Variants in DAB1 observed in about 807,000 individuals in gnomAD.
DAB1 encodes the protein DAB adaptor protein 1.
A neutral mutation model predicts 64.6 loss-of-function variants in DAB1; 15 were observed. The ratio of observed to expected loss-of-function variants is 0.23; its 90% confidence interval spans 0.16 to 0.36. The LOEUF is 0.36. Among genes scored for constraint, DAB1 ranks in the 10% least tolerant of loss-of-function variants. DAB1 has a pLI of 1.00. For synonymous variants in DAB1, 235 were observed against 251.9 expected, an observed-to-expected ratio of 0.93 and a Z score of 0.64; for missense variants, 596 against 706.7, an observed-to-expected ratio of 0.84 and a Z score of 1.78.
At chr1:57,617,536 G>C (rs1645804121) in intron 7 of DAB1, among the ~76,000 whole-genome samples, 1 of 152,062 alleles carries the variant, frequency 6.6e-6, no homozygotes, top group South Asian at 2.1e-4. Context: ...TGCCCTACAA[G>C]CTCAGATGCC....
intron 7 of DAB1, among the ~76,000 whole-genome samples, chr1:57,630,694 T>C (rs1321608086): frequency 6.6e-6 from 1 of 152,164 alleles, no homozygotes; most frequent in East Asian, 1.9e-4. Context: ...CCCCACGTGA[T>C]GAGGAAGGAG....
chr1:58,400,527 T>C (rs572358563), intron 3 of DAB1, among the ~76,000 whole-genome samples: 3 of 152,264 alleles, frequency 2.0e-5, no homozygotes, highest in East Asian at 3.9e-4. Flanking sequence ...AATGGAAGTT[T>C]AGAGAAACAG....
chr1:57,617,745 G>C (rs747356171), intron 7 of DAB1, among the ~76,000 whole-genome samples: 2 of 152,108 alleles, frequency 1.3e-5, no homozygotes, highest in Non-Finnish European at 2.9e-5. Flanking sequence ...AGAATCAGAG[G>C]TACTGAAATC....
At chr1:57,680,666 G>A (rs1286486958) in intron 6 of DAB1, among the ~76,000 whole-genome samples, 1 of 152,190 alleles carries the variant, frequency 6.6e-6, no homozygotes, top group Non-Finnish European at 1.5e-5. Context: ...ACTACATCGA[G>A]CTGAAGTTTA....
At chr1:57,342,164 C>T (rs1178423071) in intron 1 of DAB1, among the ~76,000 whole-genome samples, 2 of 152,124 alleles carry the variant, frequency 1.3e-5, no homozygotes, top group African/African-American at 4.8e-5. Context: ...ACCTTTTTGC[C>T]TTTGTGGGAG....
intron 5 of DAB1, among the ~76,000 whole-genome samples, chr1:58,091,825 C>T (rs900527700): frequency 6.6e-6 from 1 of 151,986 alleles, no homozygotes; most frequent in African/African-American, 2.4e-5. Flanking sequence ...ACTAATTACT[C>T]CTCTTACAGT....
intron 7 of DAB1, among the ~76,000 whole-genome samples, chr1:57,574,509 A>G (rs1645227872): frequency 6.6e-6 from 1 of 152,226 alleles, no homozygotes; most frequent in Non-Finnish European, 1.5e-5. Flanking sequence ...CAAAGTAATT[A>G]AGCATTTCTC....
chr1:58,056,781 C>T (rs921182806), intron 5 of DAB1, among the ~76,000 whole-genome samples: 2 of 152,084 alleles, frequency 1.3e-5, no homozygotes, highest in Non-Finnish European at 2.9e-5. Flanking sequence ...TGTATTCACT[C>T]CGTTGGCTTC....
chr1:57,311,275 G>A (rs182765127), intron 1 of DAB1, among the ~76,000 whole-genome samples: 170 of 152,180 alleles, frequency 1.1e-3, no homozygotes, highest in African/African-American at 3.7e-3. Flanking sequence ...GCAGTCCCAC[G>A]TGGGGACAAA....
At chr1:58,250,152 C>G (rs117567026) in intron 4 of DAB1, among the ~76,000 whole-genome samples, 2,691 of 152,276 alleles carry the variant, frequency 0.018, 40 homozygotes, top group East Asian at 0.041. Flanking sequence ...GCCCACTAGA[C>G]GGACAGGCGC....
rs560199954 is a variant in DAB1 at position 58,188,342 on chromosome 1, C to T, written n.310-37754G>A. 5.9e-5 allele frequency among the ~76,000 whole-genome samples: 9 copies of T among 152,308 alleles called. No individual in the cohort carries two copies. The South Asian group carries it at 1.2e-3, about 21-fold the overall frequency. The stretch of plus-strand genomic sequence containing the variant: ...TTACAGAAAATGTTTGATAGAGAAT[C>T]GATTTAATATATGACTTGGTCTACA... On this transcript the variant is annotated intron_variant and non_coding_transcript_variant, in intron 4 of 20. Transcript: ENST00000485760.
chr1:58,449,680 C>T lies in DAB1; in HGVS notation n.257+56380G>A, dbSNP rs189121574. 2.7e-3 allele frequency among the ~76,000 whole-genome samples: 410 copies of T among 152,308 alleles called. 2 individuals carry two copies. Among genetic ancestry groups the T allele is most frequent in the Non-Finnish European group, 4.3e-3 (291 of 68,020 alleles). Reference sequence around the variant, plus strand: ...ATCCAGTGCCTCAGTGCATGCTGTCCTCTCAAAGTGAAATGCTTGCCTACC... The same window carrying T: ...ATCCAGTGCCTCAGTGCATGCTGTCTTCTCAAAGTGAAATGCTTGCCTACC... On this transcript the variant is annotated intron_variant and non_coding_transcript_variant, in intron 3 of 20. Transcript: ENST00000485760.
At chr1:57,630,572 A>C (rs1343684731) in intron 7 of DAB1, among the ~76,000 whole-genome samples, 1 of 152,182 alleles carries the variant, frequency 6.6e-6, no homozygotes, top group Non-Finnish European at 1.5e-5. Context: ...CAAAGAACTG[A>C]GTTCAAATCT....
intron 7 of DAB1, among the ~76,000 whole-genome samples, chr1:57,460,539 C>T (rs1171317155): frequency 6.6e-6 from 1 of 152,172 alleles, no homozygotes; most frequent in East Asian, 1.9e-4. Flanking sequence ...CTGTAGTTTG[C>T]CTGATGCATC....
intron 3 of DAB1, among the ~76,000 whole-genome samples, chr1:58,410,139 G>A (rs945821254): frequency 6.6e-6 from 1 of 152,090 alleles, no homozygotes; most frequent in Non-Finnish European, 1.5e-5. Context: ...AGCCCCGGCC[G>A]CCCCTCCACT....
At chr1:57,944,910 T>A (rs974272603) in intron 5 of DAB1, among the ~76,000 whole-genome samples, 42 of 152,164 alleles carry the variant, frequency 2.8e-4, no homozygotes, top group Non-Finnish European at 5.9e-5. Context: ...GAGATACATA[T>A]AAGCACACAC....
At chr1:58,195,182 C>T (rs1204373102) in intron 4 of DAB1, among the ~76,000 whole-genome samples, 1 of 152,072 alleles carries the variant, frequency 6.6e-6, no homozygotes, top group East Asian at 1.9e-4. Flanking sequence ...TCATGCACTG[C>T]TTATCTCACC....
In DAB1 at chr1:58,118,768, T is replaced by G. The variant is rs192104067; in HGVS notation, n.387+31743A>C. Among the ~76,000 whole-genome samples the G allele has an allele frequency of 2.6e-5, 4 of 151,200 alleles. No homozygotes were observed. The Admixed American group carries it at 2.6e-4, about 10-fold the overall frequency. ...ATCCTCTTTTTACAGACAAGAAAAC[T>G]GAGGCACCAACAGGTAAAGAAAAAT... On this transcript the variant is annotated intron_variant and non_coding_transcript_variant, in intron 5 of 20. Transcript: ENST00000485760.
intron 2 of DAB1, among the ~76,000 whole-genome samples, chr1:57,252,128 G>A (rs1669388427): frequency 6.6e-6 from 1 of 152,208 alleles, no homozygotes; most frequent in Non-Finnish European, 1.5e-5. Context: ...TAAGAATGGG[G>A]AAATTCCATT....
Sources: gnomAD v4.1 joint callset for allele counts (sites outside exome capture counted in the v4.1 genomes callset) on GRCh38, gnomAD v4.1.1 for gene constraint, MANE v1.5 for transcripts, NCBI Gene and HGNC (gene_info 2026-07-23, HGNC 2026-07-21) for gene names.